CCT4: variants seen among roughly 807,000 people sequenced by gnomAD.
CCT4 encodes the protein chaperonin containing TCP1 subunit 4.
CCT4 carries 17 observed loss-of-function variants against 62.5 expected under a neutral mutation model. That is an observed-to-expected ratio of 0.27 (90% CI 0.19 to 0.41). CCT4 has a LOEUF of 0.41. Ranked by LOEUF, CCT4 falls within the 10% of genes least tolerant of loss-of-function variation. The pLI, the probability that CCT4 is intolerant of heterozygous loss-of-function variation, is 1.00. For missense variants in CCT4, 592 were observed against 659.2 expected (o/e 0.90, Z 1.12); for synonymous variants, 250 against 229.9 (o/e 1.09, Z -0.79).
chr2:61,875,638 C>G (rs927997172), intron 8 of CCT4, among the ~76,000 whole-genome samples: 1 of 151,608 alleles, frequency 6.6e-6, no homozygotes, highest in Non-Finnish European at 1.5e-5. Context: ...GGTTTAGACT[C>G]TAAAAACTGC....
chr2:61,878,037 C>T (rs890203508), intron 5 of CCT4, among the ~76,000 whole-genome samples: 2 of 152,164 alleles, frequency 1.3e-5, no homozygotes, highest in African/African-American at 4.8e-5. Flanking sequence ...GAAGTCAGTA[C>T]TGAACAAACA....
At chr2:61,872,668 C>G in intron 10 of CCT4, 80 bp from the exon 11 acceptor site, 2 of 1,453,350 alleles carry the variant, frequency 1.4e-6, no homozygotes, top group Non-Finnish European at 1.9e-6. Flanking sequence ...CGGCTCACGC[C>G]TGTAAACCCA....
At chr2:61,874,553 G>A (rs539721771) in intron 8 of CCT4, among the ~76,000 whole-genome samples, 1 of 151,898 alleles carries the variant, frequency 6.6e-6, no homozygotes, top group African/African-American at 2.4e-5. Context: ...AGAGGTTGCA[G>A]TGAGCTGAGA....
chr2:61,872,922 G>A (rs1320377292), intron 10 of CCT4, 80 bp downstream of exon 10: 15 of 851,646 alleles, frequency 1.8e-5, no homozygotes, highest in Middle Eastern at 2.3e-4. Flanking sequence ...GTGAGACTCC[G>A]TCTCAAAAAA....
At chr2:61,883,056 G>C (rs533244288) in intron 3 of CCT4, among the ~76,000 whole-genome samples, 1 of 152,144 alleles carries the variant, frequency 6.6e-6, no homozygotes, top group Non-Finnish European at 1.5e-5. Context: ...AGCACGAAAA[G>C]TGTTCATCGT....
At position 61,877,382 on chromosome 2, in the gene CCT4, G is replaced by C. The variant is rs372411100; in HGVS notation, c.644+11C>G. The C allele has an allele frequency of 8.4e-5, 135 of 1,600,796 alleles. No individual in the cohort carries two copies. In the Middle Eastern group the frequency reaches 1.3e-3, roughly 16 times the overall value. ...CAAATTTTTATTCAAGTTGTAATTA[G>C]AGATGCTTACCCAAGCTTCTTAACT... On this transcript the variant is annotated intron_variant, in intron 6 of 13. Coordinates refer to ENST00000394440, the MANE Select transcript of CCT4 (RefSeq NM_006430.4).
chr2:61,872,853 G>A (rs1668913142), intron 10 of CCT4, 149 bp downstream of exon 10: 1 of 678,146 alleles, frequency 1.5e-6, no homozygotes, highest in Non-Finnish European at 2.6e-6. Context: ...CATGAACCCG[G>A]GAGGCGGAGC....
In CCT4 at chr2:61,877,039, C is replaced by T; in HGVS notation, c.658G>A (p.Asp220Asn). 6.2e-7 allele frequency: 1 copy of T among 1,613,406 alleles called. No individual in the cohort carries two copies. Among genetic ancestry groups the T allele is most frequent in the Non-Finnish European group, 8.5e-7 (1 of 1,179,632 alleles). The change falls in exon 7 of 14, where the codon GAC (aspartate) becomes AAC (asparagine). Residue 220 changes from aspartate to asparagine, a missense_variant. Physicochemically the swap from Asp to Asn is conservative, Grantham distance 23 (BLOSUM62 1). Transcript: ENST00000394440. Reference protein sequence around the residue: ...IVKKLGGTIDDCELVEGLVLT... With the variant: ...IVKKLGGTIDNCELVEGLVLT... ...ACCAGCCCTTCCACCAACTCACAGT[C>T]ATCAATTGTCCCACTAAGGATAAAA... is the stretch of plus-strand genomic sequence containing the variant.
At chr2:61,873,353 TG>T in intron 8 of CCT4, 60 bp from the exon 9 acceptor site, 1 of 809,052 alleles carries the variant, frequency 1.2e-6, no homozygotes, top group East Asian at 2.4e-5. Flanking sequence ...GCTCTTCAAA[TG>T]CCTTTAAGGT....
At chr2:61,884,530 T>C (rs10176376) in intron 2 of CCT4, among the ~76,000 whole-genome samples, 148,919 of 152,172 alleles carry the variant, frequency 0.98, 72,879 homozygotes, top group East Asian at 1. Context: ...AGGCTGGTCT[T>C]GAACTCTTGA....
chr2:61,885,147 G>C, intron 1 of CCT4, 75 bp from the exon 2 acceptor site: 1 of 1,156,402 alleles, frequency 8.6e-7, no homozygotes, highest in South Asian at 1.7e-5. Flanking sequence ...TTACTATATT[G>C]TCCAGGATGG....
intron 8 of CCT4, among the ~76,000 whole-genome samples, chr2:61,875,146 A>AG: frequency 6.6e-6 from 1 of 151,720 alleles, no homozygotes; most frequent in Non-Finnish European, 1.5e-5. Flanking sequence ...CATTTCAAAA[A>AG]AAAAAGGAAG....
At chr2:61,883,193 G>A (rs1294183904) in intron 3 of CCT4, among the ~76,000 whole-genome samples, 1 of 152,118 alleles carries the variant, frequency 6.6e-6, no homozygotes, top group Non-Finnish European at 1.5e-5. Context: ...GGAGGCCAAC[G>A]TAGGTGGATC....
intron 2 of CCT4, among the ~76,000 whole-genome samples, chr2:61,883,894 A>AT (rs1669176118): frequency 6.6e-6 from 1 of 152,186 alleles, no homozygotes; most frequent in South Asian, 2.1e-4. Flanking sequence ...TCCACCATGG[A>AT]TGCCCCTAAA....
chr2:61,871,478 C>T (rs184552822), intron 12 of CCT4, among the ~76,000 whole-genome samples: 36 of 152,270 alleles, frequency 2.4e-4, no homozygotes, highest in Non-Finnish European at 1.5e-4. Flanking sequence ...GGAATTTCCT[C>T]ATCCCCTACC....
chr2:61,887,775 A>C (rs1478153967), intron 1 of CCT4, among the ~76,000 whole-genome samples: 1 of 152,240 alleles, frequency 6.6e-6, no homozygotes, highest in African/African-American at 2.4e-5. Context: ...CACAAAAAAA[A>C]CAAATAATTG....
At chr2:61,884,295 C>T (rs2105141158) in intron 2 of CCT4, among the ~76,000 whole-genome samples, 1 of 152,126 alleles carries the variant, frequency 6.6e-6, no homozygotes, top group South Asian at 2.1e-4. Context: ...TCCAGGTACC[C>T]AACACTTTTT....
Position 61,872,183 on chromosome 2 carries a change from T to C in CCT4, c.1390A>G (p.Thr464Ala). Reference sequence around the variant, plus strand: ...TTCAGGCCGGCATTTTCAGCTAGTGTAGATGGAATGACCTCCATAGCATCT... The same window carrying C: ...TTCAGGCCGGCATTTTCAGCTAGTGCAGATGGAATGACCTCCATAGCATCT... ...FADAMEVIPS[T>A]LAENAGLNPI... Residue 464 changes from threonine to alanine, a missense_variant, in exon 12 of 14, where the codon ACA becomes GCA. Coordinates refer to ENST00000394440, the MANE Select transcript of CCT4 (RefSeq NM_006430.4). 1 of 1,613,960 alleles carries C rather than the reference T, an allele frequency of 6.2e-7. No homozygotes were observed. Among genetic ancestry groups the C allele is most frequent in the Non-Finnish European group, 8.5e-7 (1 of 1,179,870 alleles).
chr2:61,875,514 C>T (rs1668978404), intron 8 of CCT4, among the ~76,000 whole-genome samples: 1 of 147,428 alleles, frequency 6.8e-6, no homozygotes, highest in Non-Finnish European at 1.5e-5. Flanking sequence ...ACCCAGGAGG[C>T]GGAGGTTGCA....
Sources: allele counts gnomAD v4.1 joint callset (sites outside exome capture counted in the v4.1 genomes callset), GRCh38; gene constraint gnomAD v4.1.1; transcripts MANE v1.5; gene names NCBI Gene and HGNC (gene_info 2026-07-23, HGNC 2026-07-21).